Variants in RASA1 observed in about 807,000 individuals in gnomAD.
RASA1 encodes RAS p21 protein activator 1, also known as ras GTPase-activating protein 1.
In RASA1, 25 loss-of-function variants were observed where a neutral mutation model predicts 132.2. That is an observed-to-expected ratio of 0.19 (90% CI 0.14 to 0.26). The LOEUF (loss-of-function observed/expected upper bound fraction) is 0.26, where lower values mean the gene tolerates loss of function less well. Among genes scored for constraint, RASA1 ranks in the 10% least tolerant of loss-of-function variants. The pLI is 1.00. For missense variants in RASA1, 964 were observed against 1,299.2 expected, an observed-to-expected ratio of 0.74 and a Z score of 3.97; for synonymous variants, 477 against 449.9, an observed-to-expected ratio of 1.06 and a Z score of -0.76.
At chr5:87,349,187 G>C (rs756756206) in intron 7 of RASA1, 27 bp from the exon 8 acceptor site, 1 of 1,609,180 alleles carries the variant, frequency 6.2e-7, no homozygotes, top group Non-Finnish European at 8.5e-7. Flanking sequence ...GATAATTAGG[G>C]AAAAACTAAC....
intron 21 of RASA1, among the ~76,000 whole-genome samples, chr5:87,384,364 A>G (rs558939584): frequency 2.0e-5 from 3 of 152,264 alleles, no homozygotes; most frequent in South Asian, 4.1e-4. Context: ...CAAAGAAAGG[A>G]TAACAGGGAT....
intron 21 of RASA1, among the ~76,000 whole-genome samples, chr5:87,384,282 C>T (rs1438891257): frequency 6.6e-6 from 1 of 152,090 alleles, no homozygotes; most frequent in African/African-American, 2.4e-5. Context: ...TTTTAAACTT[C>T]AGTAAACCTG....
At position 87,298,181 on chromosome 5, in the gene RASA1, G is replaced by A. The variant is rs184482015; in HGVS notation, c.539+29191G>A. Reference sequence around the variant, plus strand: ...TCCCAGCACTTTGGGAGGCCGAGGCGGGTGGATCACGAGGTCAGGAGATCG... The same window carrying A: ...TCCCAGCACTTTGGGAGGCCGAGGCAGGTGGATCACGAGGTCAGGAGATCG... On this transcript the variant is annotated intron_variant, in intron 1 of 24. Coordinates refer to ENST00000274376, the MANE Select transcript of RASA1 (RefSeq NM_002890.3). Among the ~76,000 whole-genome samples the A allele has an allele frequency of 1.1e-4, 16 of 152,074 alleles. No homozygotes were observed. The East Asian group carries it at 1.6e-3, about 15-fold the overall frequency.
chr5:87,389,556 T>C (rs1277560458), intron 24 of RASA1, 29 bp downstream of exon 24: 2 of 1,611,160 alleles, frequency 1.2e-6, no homozygotes, highest in South Asian at 2.2e-5. Context: ...TCATTAACAA[T>C]GATGTTTCAA....
chr5:87,355,704 A>C (rs1031828057), intron 9 of RASA1, among the ~76,000 whole-genome samples: 1 of 152,236 alleles, frequency 6.6e-6, no homozygotes, highest in African/African-American at 2.4e-5. Flanking sequence ...TGACTTATGG[A>C]TCTGGGCAAG....
chr5:87,376,270 G>A, intron 15 of RASA1, 123 bp from the exon 16 acceptor site: 1 of 1,152,936 alleles, frequency 8.7e-7, no homozygotes. Flanking sequence ...TGATGTTACT[G>A]AAAACTCCTT....
At chr5:87,351,903 A>T (rs1759307232) in intron 8 of RASA1, among the ~76,000 whole-genome samples, 1 of 151,754 alleles carries the variant, frequency 6.6e-6, no homozygotes, top group Non-Finnish European at 1.5e-5. Context: ...CAGTGGATTG[A>T]TTGTATTTTA....
At chr5:87,319,716 A>T (rs1177548475) in intron 1 of RASA1, among the ~76,000 whole-genome samples, 1 of 151,952 alleles carries the variant, frequency 6.6e-6, no homozygotes, top group Non-Finnish European at 1.5e-5. Flanking sequence ...AGCCATGAAG[A>T]TCTCTGACAT....
At chr5:87,338,130 A>G in intron 5 of RASA1, 39 bp downstream of exon 5, 20 of 1,608,776 alleles carry the variant, frequency 1.2e-5, no homozygotes, top group Non-Finnish European at 1.6e-5. Flanking sequence ...TAGATTCTAA[A>G]TATTTTATAA....
chr5:87,286,834 A>G (rs1754587309), intron 1 of RASA1, among the ~76,000 whole-genome samples: 1 of 150,634 alleles, frequency 6.6e-6, no homozygotes, highest in African/African-American at 2.4e-5. Flanking sequence ...TCACATATAT[A>G]TATACCATAT....
rs1346170750 is a variant in RASA1 at position 87,338,528 on chromosome 5, TATATAAAA to T, written c.1017+438_1017+445del. Among the ~76,000 whole-genome samples, 142 of 102,506 alleles carry T rather than the reference TATATAAAA, an allele frequency of 1.4e-3. 4 individuals are homozygous for T. Among genetic ancestry groups the T allele is most frequent in the East Asian group, 8.1e-3 (25 of 3,070 alleles). The allele number at this position is 102,506 out of a possible 152,430, so 67.2% of individuals were successfully genotyped here. Reference sequence around the variant, plus strand: ...ATATATATATATATATATATATATATATATAAAATTTTTTTTTTTTTTAAGTAGAAATG... The same window carrying T: ...ATATATATATATATATATATATATATTTTTTTTTTTTTTTAAGTAGAAATG... On this transcript the variant is annotated intron_variant, in intron 5 of 24. Transcript: ENST00000274376.
chr5:87,309,771 C>G (rs1755784237), intron 1 of RASA1, among the ~76,000 whole-genome samples: 1 of 151,554 alleles, frequency 6.6e-6, no homozygotes, highest in Non-Finnish European at 1.5e-5. Flanking sequence ...ATATATAAAC[C>G]TATAGTTTTT....
rs985286509 is a variant in RASA1 at position 87,268,271 on chromosome 5, G to A, written c.-181G>A. ...GGCTTCCCGTAACCCAGGCAGCTGG[G>A]GAGCCTGGGCTGTGGCCCTAGGAGG... On this transcript the variant is annotated 5_prime_UTR_variant, in exon 1 of 25. Coordinates refer to ENST00000274376, the MANE Select transcript of RASA1 (RefSeq NM_002890.3). The A allele has an allele frequency of 3.3e-6, 3 of 901,354 alleles. No individual in the cohort carries two copies. Among genetic ancestry groups the A allele is most frequent in the South Asian group, 3.9e-5 (2 of 51,264 alleles). The allele number at this position is 901,354 out of a possible 1,614,324, so 55.8% of individuals were successfully genotyped here.
At chr5:87,283,685 GT>G (rs1389595535) in intron 1 of RASA1, among the ~76,000 whole-genome samples, 1 of 151,990 alleles carries the variant, frequency 6.6e-6, no homozygotes, top group Non-Finnish European at 1.5e-5. Flanking sequence ...AGGGTTTTAG[GT>G]AACTTTCCCA....
At chr5:87,350,371 T>G (rs903386647) in intron 8 of RASA1, among the ~76,000 whole-genome samples, 2 of 151,848 alleles carry the variant, frequency 1.3e-5, no homozygotes, top group African/African-American at 4.8e-5. Context: ...TCTTTAAGAA[T>G]GTAATTTTTC....
intron 1 of RASA1, among the ~76,000 whole-genome samples, chr5:87,307,833 C>A (rs999558842): frequency 6.6e-6 from 1 of 151,878 alleles, no homozygotes; most frequent in Non-Finnish European, 1.5e-5. Flanking sequence ...TCTCGGCGTG[C>A]GTTACATTTT....
intron 1 of RASA1, among the ~76,000 whole-genome samples, chr5:87,305,848 C>T (rs566618914): frequency 1.5e-4 from 23 of 152,284 alleles, no homozygotes; most frequent in Admixed American, 5.9e-4. Context: ...CAAAAGAAGA[C>T]GTACTTGCGG....
In RASA1 at chr5:87,379,882, T is replaced by C. The variant is rs756517404; in HGVS notation, c.2603+32T>C. On this transcript the variant is annotated intron_variant, in intron 19 of 24. Transcript: ENST00000274376. ...GGTGAAATTTTCATTTGACAAGAAA[T>C]TGTGTATCTATGTCTTCAGAAATTT... is the stretch of plus-strand genomic sequence containing the variant. 6.3e-6 allele frequency: 10 copies of C among 1,598,908 alleles called. No individual in the cohort carries two copies. The Admixed American group carries it at 1.0e-4, about 16-fold the overall frequency.
intron 1 of RASA1, among the ~76,000 whole-genome samples, chr5:87,309,882 A>G (rs1234109437): frequency 2.6e-5 from 4 of 152,230 alleles, no homozygotes; most frequent in Non-Finnish European, 5.9e-5. Context: ...ATGTTGTATC[A>G]GTATTTGTTG....
Sources: gnomAD v4.1 joint callset for allele counts (sites outside exome capture counted in the v4.1 genomes callset) on GRCh38, gnomAD v4.1.1 for gene constraint, MANE v1.5 for transcripts, NCBI Gene and HGNC (gene_info 2026-07-23, HGNC 2026-07-21) for gene names.